DPYS: variants seen among roughly 807,000 people sequenced by gnomAD.
The protein encoded by DPYS is dihydropyrimidinase.
In DPYS, 39 loss-of-function variants were observed where a neutral mutation model predicts 50.3. The observed-to-expected ratio is 0.78, with a 90% confidence interval of 0.60 to 1.01. The LOEUF is 1.01. Among genes scored for constraint, DPYS ranks in the 50% least tolerant of loss-of-function variants. DPYS has a pLI of 0.00. For synonymous variants in DPYS, 245 were observed against 250.7 expected (o/e 0.98, Z 0.22); for missense variants, 659 against 680.9 (o/e 0.97, Z 0.36).
intron 1 of DPYS, among the ~76,000 whole-genome samples, chr8:104,460,884 C>T (rs900241127): frequency 6.6e-6 from 1 of 152,160 alleles, no homozygotes; most frequent in South Asian, 2.1e-4. Flanking sequence ...ACTAATACAA[C>T]ACGAATGTTC....
chr8:104,449,760 T>C (rs1813667351), intron 2 of DPYS, among the ~76,000 whole-genome samples: 1 of 152,114 alleles, frequency 6.6e-6, no homozygotes, highest in South Asian at 2.1e-4. Flanking sequence ...ATGCCAAAGG[T>C]TGTCAGCAAA....
At chr8:104,383,911 C>T in intron 8 of DPYS, among the ~76,000 whole-genome samples, 1 of 152,264 alleles carries the variant, frequency 6.6e-6, no homozygotes, top group Middle Eastern at 3.4e-3. Context: ...CTGGGCTGTA[C>T]TTTTTCTGTG....
Position 104,415,868 on chromosome 8 carries a change from A to G in DPYS, c.1235+8379T>C, listed in dbSNP as rs536250875. 4.2e-4 allele frequency among the ~76,000 whole-genome samples: 64 copies of G among 152,190 alleles called. 2 individuals carry two copies. In the South Asian group the frequency reaches 0.013, roughly 32 times the overall value. On this transcript the variant is annotated intron_variant, in intron 7 of 9. Transcript: ENST00000351513. ...TTAAGTCATTATACAAAGATTTCTG[A>G]CTCACAGCTATAGCTAATAAGAGCT...
chr8:104,380,732 G>T (rs1346737475), intron 9 of DPYS: 2 of 161,416 alleles, frequency 1.2e-5, no homozygotes, highest in Non-Finnish European at 2.8e-5. Context: ...TTTTCTGAAG[G>T]ATTATATCCC....
At chr8:104,453,971 T>C (rs79285364) in intron 1 of DPYS, among the ~76,000 whole-genome samples, 8,282 of 152,292 alleles carry the variant, frequency 0.054, 259 homozygotes, top group South Asian at 0.074. Context: ...ATTCTATTTA[T>C]ATGAAATGTC....
rs752327365 is a variant in DPYS, at chr8:104,444,318, G to A, written c.723C>T (p.Asn241=). The A allele has an allele frequency of 1.9e-6, 3 of 1,614,124 alleles. No homozygotes were observed. In the East Asian group the frequency reaches 6.7e-5, roughly 36 times the overall value. The change falls in exon 4 of 10, where the codon AAC becomes AAT. Residue 241 remains asparagine (N), a synonymous_variant. Transcript: ENST00000351513. The stretch of plus-strand genomic sequence containing the variant: ...TCACATGCACAATGTAGAGAGGACA[G>A]TTCACAGCGCTGGCTATGGTGATGG... The part of the protein sequence containing the change: ...LRAITIASAV[N]CPLYIVHVMS...
At position 104,447,311 on chromosome 8, in the gene DPYS, T is replaced by C. The variant is rs761390241; in HGVS notation, c.603+13A>G. On this transcript the variant is annotated intron_variant, in intron 3 of 9. Transcript: ENST00000351513. Reference sequence around the variant, plus strand: ...TGTCATTTCTGTAGAAGCTTTGGAATGCAAATGCGTACCTCTGCAATTAAG... The same window carrying C: ...TGTCATTTCTGTAGAAGCTTTGGAACGCAAATGCGTACCTCTGCAATTAAG... The C allele has an allele frequency of 1.9e-6, 3 of 1,614,118 alleles. No individual in the cohort carries two copies. The highest frequency in any genetic ancestry group is 2.5e-6 in the Non-Finnish European group (3 of 1,179,998).
At chr8:104,410,227 T>C (rs778679016) in intron 7 of DPYS, among the ~76,000 whole-genome samples, 4 of 152,156 alleles carry the variant, frequency 2.6e-5, no homozygotes, top group Non-Finnish European at 5.9e-5. Flanking sequence ...CTTCATTTTG[T>C]TTGCTTTCAT....
chr8:104,439,250 T>C (rs1813259248), intron 4 of DPYS, among the ~76,000 whole-genome samples: 1 of 152,166 alleles, frequency 6.6e-6, no homozygotes, highest in South Asian at 2.1e-4. Flanking sequence ...TACAAACTTA[T>C]AGTTTAGGAT....
chr8:104,466,819 TG>T lies in DPYS; in HGVS notation c.101del (p.Ala34AspfsTer64), dbSNP rs1470151699. The T allele has an allele frequency of 6.5e-7, 1 of 1,532,468 alleles. No homozygotes were observed. Among genetic ancestry groups the T allele is most frequent in the Non-Finnish European group, 8.7e-7 (1 of 1,145,254 alleles). 94.9% of individuals were successfully genotyped at this position (1,532,468 alleles called of 1,614,324 possible). Reference sequence around the variant, plus strand: ...CGGGAGGCAGCAGGTCGTGCCCGAGTGCCCGCACCACGCCGTCCTCCACCAG... The same window carrying T: ...CGGGAGGCAGCAGGTCGTGCCCGAGTCCCGCACCACGCCGTCCTCCACCAG... ...DVLVEDGVVR[A>X]LGHDLLPPGG... On this transcript the variant is annotated frameshift_variant, in exon 1 of 10. Transcript: ENST00000351513. LOFTEE classifies it high-confidence loss of function.
At chr8:104,425,481 T>C (rs1812692133) in intron 6 of DPYS, among the ~76,000 whole-genome samples, 1 of 151,914 alleles carries the variant, frequency 6.6e-6, no homozygotes, top group East Asian at 2.0e-4. Flanking sequence ...GCCTGGCTAA[T>C]TTTTTATAGA....
At chr8:104,382,414 C>A (rs1811083662) in intron 8 of DPYS, among the ~76,000 whole-genome samples, 1 of 152,168 alleles carries the variant, frequency 6.6e-6, no homozygotes, top group African/African-American at 2.4e-5. Flanking sequence ...TTGAGGAACA[C>A]AGACACCAGG....
intron 6 of DPYS, among the ~76,000 whole-genome samples, chr8:104,427,558 T>C (rs938694442): frequency 6.6e-6 from 1 of 151,848 alleles, no homozygotes; most frequent in African/African-American, 2.4e-5. Context: ...GGATTACAGG[T>C]GTGAGCCACT....
intron 1 of DPYS, among the ~76,000 whole-genome samples, chr8:104,462,775 T>C (rs1049344514): frequency 6.6e-6 from 1 of 152,256 alleles, no homozygotes; most frequent in Admixed American, 6.5e-5. Context: ...GAATTCATAC[T>C]ACCCATTGAA....
intron 8 of DPYS, among the ~76,000 whole-genome samples, chr8:104,382,497 C>A (rs1811087453): frequency 6.6e-6 from 1 of 152,032 alleles, no homozygotes; most frequent in South Asian, 2.1e-4. Flanking sequence ...ACTAATACCC[C>A]ACTCTCTGGC....
chr8:104,452,620 G>C (rs1412323584), intron 1 of DPYS, among the ~76,000 whole-genome samples: 3 of 152,178 alleles, frequency 2.0e-5, no homozygotes, highest in Non-Finnish European at 2.9e-5. Flanking sequence ...GACGGGAGGA[G>C]AGCTTGAGCC....
chr8:104,448,695 G>T (rs951352189), intron 2 of DPYS, among the ~76,000 whole-genome samples: 4 of 152,098 alleles, frequency 2.6e-5, no homozygotes, highest in Non-Finnish European at 5.9e-5. Flanking sequence ...AAAAATGTTG[G>T]CAACAATTCA....
rs1467206095 is a variant in DPYS at position 104,447,467 on chromosome 8, C to G, written c.460G>C (p.Gly154Arg). ...EEMKILVQDK[G>R]VNSFKMFMAY... ...ATAAACATCTTGAAAGAGTTAACAC[C>G]TTTATCTTGCACAAGGATTTTCATT... Residue 154 changes from glycine to arginine, a missense_variant, in exon 3 of 10, where the codon GGT becomes CGT. Physicochemically the swap from Gly to Arg is moderately radical, Grantham distance 125. Coordinates refer to ENST00000351513, the MANE Select transcript of DPYS (RefSeq NM_001385.3). The G allele has an allele frequency of 5.0e-6, 8 of 1,614,004 alleles. No homozygotes were observed. The highest frequency in any genetic ancestry group is 3.3e-4 in the Middle Eastern group (2 of 6,060).
intron 7 of DPYS, chr8:104,423,918 T>C: frequency 1.1e-6 from 1 of 906,292 alleles, no homozygotes; most frequent in Non-Finnish European, 1.3e-6. Flanking sequence ...CTTTTCAAAC[T>C]AAGCCTTTTA....
Sources: gnomAD v4.1 joint callset for allele counts (sites outside exome capture counted in the v4.1 genomes callset) on GRCh38, gnomAD v4.1.1 for gene constraint, MANE v1.5 for transcripts, NCBI Gene and HGNC (gene_info 2026-07-23, HGNC 2026-07-21) for gene names.